The following ETV1 variants were observed in gnomAD, a reference collection of about 807,000 sequenced individuals.
ETV1 encodes ETS variant transcription factor 1.
A neutral mutation model predicts 62.3 loss-of-function variants in ETV1; 27 were observed. The observed-to-expected ratio is 0.43, with a 90% CI of 0.32 to 0.60. The LOEUF (loss-of-function observed/expected upper bound fraction) is 0.60. Among genes scored for constraint, ETV1 ranks in the 20% least tolerant of loss-of-function variants. The probability of loss-of-function intolerance (pLI) is 0.06; values close to 1 mark genes in which losing one functional copy is unlikely to be tolerated. For missense variants in ETV1, 605 were observed against 605.8 expected (o/e 1.00, Z 0.01); for synonymous variants, 222 against 199.6 (o/e 1.11, Z -0.94).
At chr7:13,964,052 A>C (rs542410987) in intron 6 of ETV1, among the ~76,000 whole-genome samples, 160 of 152,180 alleles carry the variant, frequency 1.1e-3, no homozygotes, top group Non-Finnish European at 2.0e-3. Flanking sequence ...ACATCCAGCT[A>C]TTTGGCTTTC....
At chr7:13,973,312 C>T (rs1272662316) in intron 6 of ETV1, among the ~76,000 whole-genome samples, 1 of 152,114 alleles carries the variant, frequency 6.6e-6, no homozygotes, top group African/African-American at 2.4e-5. Context: ...AAAATATCCC[C>T]ATAGAATTTA....
intron 6 of ETV1, among the ~76,000 whole-genome samples, chr7:13,971,594 A>G (rs562323961): frequency 6.6e-6 from 1 of 152,288 alleles, no homozygotes; most frequent in Admixed American, 6.5e-5. Flanking sequence ...AGTTACAAGG[A>G]TCTATTCTGT....
At chr7:13,932,520 T>C (rs1199804197) in intron 8 of ETV1, among the ~76,000 whole-genome samples, 1 of 152,166 alleles carries the variant, frequency 6.6e-6, no homozygotes, top group Non-Finnish European at 1.5e-5. Context: ...TGTATAGGTT[T>C]GGGGCAAGTC....
chr7:13,987,535 A>G (rs1782655918), intron 4 of ETV1, among the ~76,000 whole-genome samples: 1 of 152,298 alleles, frequency 6.6e-6, no homozygotes, highest in Middle Eastern at 3.4e-3. Flanking sequence ...ATAATTATTA[A>G]GGAGGCCTTA....
At chr7:13,972,811 T>C (rs1278203994) in intron 6 of ETV1, among the ~76,000 whole-genome samples, 1 of 152,206 alleles carries the variant, frequency 6.6e-6, no homozygotes, top group East Asian at 1.9e-4. Context: ...GGTCTCATTA[T>C]GTTGCCCAGG....
rs17678858 is a variant in ETV1, at chr7:13,891,971, A to G, written c.*3895T>C. 3,124 of 231,906 alleles carry G rather than the reference A, an allele frequency of 0.013. 38 individuals carry two copies. The highest frequency in any genetic ancestry group is 0.019 in the Non-Finnish European group (2,255 of 117,276). The allele number at this position is 231,906 out of a possible 1,614,324, so 14.4% of individuals were successfully genotyped here. A position where few individuals can be genotyped will look rare whatever the true frequency, so the allele number is the denominator to read the frequency against. On this transcript the variant is annotated 3_prime_UTR_variant, in exon 14 of 14. Transcript: ENST00000430479. ...TTACAAGCTCTGAAAAGGCTGCATGATAGACAAAGTGGCTCATTTTAGAAA... is the reference window on the plus strand; with the variant it reads ...TTACAAGCTCTGAAAAGGCTGCATGGTAGACAAAGTGGCTCATTTTAGAAA...
rs1431934458 is a variant in ETV1, at chr7:13,894,224, T to C, written c.*1642A>G. On this transcript the variant is annotated 3_prime_UTR_variant, in exon 14 of 14. Transcript: ENST00000430479. The stretch of plus-strand genomic sequence containing the variant: ...TGTTCTTCTGGATATTATTGATAGA[T>C]GGAACAAAATTCATGTCCCTTGCTT... 8.6e-6 allele frequency: 2 copies of C among 232,460 alleles called. No homozygotes were observed. Among genetic ancestry groups the C allele is most frequent in the Admixed American group, 1.1e-4 (2 of 17,746 alleles). 14.4% of individuals were successfully genotyped at this position (232,460 alleles called of 1,614,324 possible). A position where few individuals can be genotyped will look rare whatever the true frequency, so the allele number is the denominator to read the frequency against.
At chr7:13,906,380 TTTATG>T (rs752385952) in intron 12 of ETV1, 45 bp downstream of exon 12, 2 of 1,244,696 alleles carry the variant, frequency 1.6e-6, no homozygotes, top group Admixed American at 6.5e-5. Flanking sequence ...TGTCAGTTTC[TTTATG>T]TTATAACATG....
At chr7:13,955,536 C>G (rs1396988690) in intron 6 of ETV1, among the ~76,000 whole-genome samples, 1 of 152,114 alleles carries the variant, frequency 6.6e-6, no homozygotes, top group African/African-American at 2.4e-5. Flanking sequence ...CAACAAGAAG[C>G]AAACAAGCCA....
At chr7:13,988,241 C>CGCACGT in intron 3 of ETV1, 68 bp from the exon 4 acceptor site, 1 of 880,714 alleles carries the variant, frequency 1.1e-6, no homozygotes, top group South Asian at 1.3e-5. Context: ...CACACGCGCG[C>CGCACGT]GCACACACAC....
chr7:13,962,217 A>G (rs910741896), intron 6 of ETV1, among the ~76,000 whole-genome samples: 7 of 150,152 alleles, frequency 4.7e-5, no homozygotes, highest in African/African-American at 1.8e-4. Flanking sequence ...GTGTGTGTAT[A>G]TATATAAATA....
intron 3 of ETV1, chr7:13,988,707 C>T: frequency 1.2e-6 from 2 of 1,612,470 alleles, no homozygotes; most frequent in African/African-American, 1.3e-5. Context: ...GGCAGACAAA[C>T]CCAGCCAAAA....
intron 9 of ETV1, among the ~76,000 whole-genome samples, chr7:13,927,844 A>C (rs1267474642): frequency 6.6e-6 from 1 of 152,332 alleles, no homozygotes; most frequent in East Asian, 1.9e-4. Context: ...CCATTTAACT[A>C]TTCAAGCAAA....
chr7:13,946,566 T>C (rs2128467283), intron 6 of ETV1, among the ~76,000 whole-genome samples: 1 of 152,292 alleles, frequency 6.6e-6, no homozygotes, highest in African/African-American at 2.4e-5. Flanking sequence ...TGACACATCA[T>C]TGCTTTCAAT....
At chr7:13,977,839 C>A (rs1421371218) in intron 5 of ETV1, among the ~76,000 whole-genome samples, 1 of 152,050 alleles carries the variant, frequency 6.6e-6, no homozygotes, top group African/African-American at 2.4e-5. Flanking sequence ...TTTCAATTCA[C>A]CCACTGCCAG....
intron 6 of ETV1, among the ~76,000 whole-genome samples, chr7:13,947,392 C>CAAAAAAAAAAAAAA (rs11352949): frequency 1.2e-5 from 1 of 86,496 alleles, no homozygotes; most frequent in Admixed American, 1.2e-4. Context: ...ACTAACTATA[C>CAAAAAAAAAAAAAA]AAAAAAAAAA....
intron 5 of ETV1, chr7:13,986,059 T>TTG: frequency 7.8e-7 from 1 of 1,282,968 alleles, no homozygotes; most frequent in Non-Finnish European, 1.1e-6. Flanking sequence ...ATTTTTAAAA[T>TTG]CCTCATATCT....
chr7:13,918,757 G>C (rs923906946), intron 9 of ETV1, among the ~76,000 whole-genome samples: 6 of 151,590 alleles, frequency 4.0e-5, no homozygotes, highest in Non-Finnish European at 4.4e-5. Context: ...ATAGCATTGG[G>C]AGATATACCT....
At chr7:13,985,006 G>A (rs1235341825) in intron 5 of ETV1, among the ~76,000 whole-genome samples, 2 of 151,692 alleles carry the variant, frequency 1.3e-5, no homozygotes, top group East Asian at 3.9e-4. Context: ...TCCAGGAACA[G>A]AGTTGCTATG....
Sources: allele counts gnomAD v4.1 joint callset (sites outside exome capture counted in the v4.1 genomes callset), GRCh38; gene constraint gnomAD v4.1.1; transcripts MANE v1.5; gene names NCBI Gene and HGNC (gene_info 2026-07-23, HGNC 2026-07-21).